FAM13A: variants seen among roughly 807,000 people sequenced by gnomAD.
FAM13A encodes protein FAM13A.
Under a neutral mutation model 129.6 loss-of-function variants are expected in FAM13A, and 76 were observed. The ratio of observed to expected loss-of-function variants is 0.59; its 90% CI spans 0.49 to 0.71. The LOEUF (loss-of-function observed/expected upper bound fraction) is 0.71. Among genes scored for constraint, FAM13A ranks in the 30% least tolerant of loss-of-function variants. The probability of loss-of-function intolerance (pLI) is 0.00; values close to 1 mark genes in which losing one functional copy is unlikely to be tolerated. For missense variants in FAM13A, 1,108 were observed against 1,249.3 expected, an observed-to-expected ratio of 0.89 and a Z score of 1.70; for synonymous variants, 443 against 449.9, an observed-to-expected ratio of 0.98 and a Z score of 0.20.
At chr4:88,893,782 G>A (rs1352872587) in intron 6 of FAM13A, among the ~76,000 whole-genome samples, 3 of 148,998 alleles carry the variant, frequency 2.0e-5, no homozygotes, top group African/African-American at 7.4e-5. Context: ...AGCCGAGATC[G>A]CGCCACTGCA....
At chr4:89,043,938 A>C (rs1037180484) in intron 1 of FAM13A, among the ~76,000 whole-genome samples, 1 of 151,880 alleles carries the variant, frequency 6.6e-6, no homozygotes, top group Non-Finnish European at 1.5e-5. Context: ...ATCAATCAAT[A>C]AGCAAGCCAG....
chr4:89,028,494 G>T (rs1380406513), intron 2 of FAM13A, among the ~76,000 whole-genome samples: 1 of 151,964 alleles, frequency 6.6e-6, no homozygotes, highest in Non-Finnish European at 1.5e-5. Context: ...ACCGGCTGGG[G>T]CAACATTGGG....
At position 88,749,864 on chromosome 4, in the gene FAM13A, G is replaced by A. The variant is rs1393448154; in HGVS notation, c.1986C>T (p.Asp662=). Residue 662 remains aspartate (D), a synonymous_variant, in exon 16 of 24, where the codon GAC becomes GAT. Coordinates refer to ENST00000264344, the MANE Select transcript of FAM13A (RefSeq NM_014883.4). ...TTCGTGTGAGCTGGGCAGGTGTCAGGTCCTCTTGCTCATCATCATAGGACC... is the reference window on the plus strand; with the variant it reads ...TTCGTGTGAGCTGGGCAGGTGTCAGATCCTCTTGCTCATCATCATAGGACC... ...SLGSYDDEQE[D]LTPAQLTRRI... The A allele has an allele frequency of 6.2e-7, 1 of 1,614,074 alleles. No individual in the cohort carries two copies. Among genetic ancestry groups the A allele is most frequent in the Non-Finnish European group, 8.5e-7 (1 of 1,179,998 alleles).
At chr4:88,927,979 T>G (rs918198286) in intron 5 of FAM13A, among the ~76,000 whole-genome samples, 12 of 152,152 alleles carry the variant, frequency 7.9e-5, no homozygotes, top group Non-Finnish European at 1.3e-4. Context: ...AGGCATTTAA[T>G]GCCACAAACT....
In FAM13A at chr4:89,056,973, A is replaced by G. The variant is rs1317670056; in HGVS notation, c.-9T>C. The G allele has an allele frequency of 6.2e-7, 1 of 1,613,698 alleles. No homozygotes were observed. Reference sequence around the variant, plus strand: ...AGAGCTCCTGCCCCCATTCTCTCAGAAAGCGTCTGGAAGAACTGAGGAAGA... The same window carrying G: ...AGAGCTCCTGCCCCCATTCTCTCAGGAAGCGTCTGGAAGAACTGAGGAAGA... On this transcript the variant is annotated 5_prime_UTR_variant, in exon 1 of 24. Coordinates refer to ENST00000264344, the MANE Select transcript of FAM13A (RefSeq NM_014883.4).
intron 11 of FAM13A, among the ~76,000 whole-genome samples, chr4:88,774,667 G>T (rs1039567697): frequency 6.6e-6 from 1 of 152,190 alleles, no homozygotes; most frequent in African/African-American, 2.4e-5. Flanking sequence ...CATGTTGGCT[G>T]GCTGTTTCAA....
intron 6 of FAM13A, among the ~76,000 whole-genome samples, chr4:88,873,369 A>T (rs1044299858): frequency 1.5e-4 from 23 of 152,346 alleles, no homozygotes; most frequent in Non-Finnish European, 3.1e-4. Flanking sequence ...TTTTGAAAGG[A>T]TCAACAAAAT....
intron 6 of FAM13A, among the ~76,000 whole-genome samples, chr4:88,883,777 C>CA (rs1309766953): frequency 6.6e-6 from 1 of 151,608 alleles, no homozygotes. Flanking sequence ...AGACTAACCA[C>CA]AAAAAGAGAG....
At chr4:88,998,370 T>G (rs1167413181) in intron 3 of FAM13A, among the ~76,000 whole-genome samples, 2 of 152,180 alleles carry the variant, frequency 1.3e-5, no homozygotes, top group Non-Finnish European at 2.9e-5. Flanking sequence ...GAGCTACAAT[T>G]TAAATCCAAG....
chr4:88,915,713 G>A (rs905261738), intron 5 of FAM13A, among the ~76,000 whole-genome samples: 1 of 152,128 alleles, frequency 6.6e-6, no homozygotes, highest in African/African-American at 2.4e-5. Context: ...TCCAAAAGTC[G>A]TGTTGAAATT....
intron 2 of FAM13A, among the ~76,000 whole-genome samples, chr4:89,024,403 A>G (rs1345354882): frequency 1.3e-5 from 2 of 152,238 alleles, no homozygotes; most frequent in Admixed American, 6.5e-5. Context: ...TATAATGTAT[A>G]TACCTTTAAA....
chr4:88,749,866 C>A lies in FAM13A; in HGVS notation c.1984G>T (p.Asp662Tyr), dbSNP rs1578480310. 1.9e-6 allele frequency: 3 copies of A among 1,613,918 alleles called. No homozygotes were observed. The highest frequency in any genetic ancestry group is 2.5e-6 in the Non-Finnish European group (3 of 1,179,944). ...SLGSYDDEQE[D>Y]LTPAQLTRRI... ...CGTGTGAGCTGGGCAGGTGTCAGGT[C>A]CTCTTGCTCATCATCATAGGACCCC... The change falls in exon 16 of 24, where the codon GAC becomes TAC. Residue 662 changes from aspartate (D) to tyrosine (Y), a missense_variant. Transcript: ENST00000264344.
At chr4:88,755,620 T>A (rs770448142) in intron 14 of FAM13A, among the ~76,000 whole-genome samples, 2 of 152,218 alleles carry the variant, frequency 1.3e-5, no homozygotes, top group Non-Finnish European at 2.9e-5. Context: ...GAGACTTTGT[T>A]ACTTTGAATC....
intron 6 of FAM13A, among the ~76,000 whole-genome samples, chr4:88,879,698 G>A (rs1339515024): frequency 6.6e-6 from 1 of 152,160 alleles, no homozygotes; most frequent in Non-Finnish European, 1.5e-5. Flanking sequence ...GCATTTCATT[G>A]TTACTGCAAG....
chr4:88,858,913 C>T (rs1215176098), intron 6 of FAM13A, among the ~76,000 whole-genome samples: 1 of 152,104 alleles, frequency 6.6e-6, no homozygotes, highest in Non-Finnish European at 1.5e-5. Flanking sequence ...GCTGTTACAA[C>T]AAAGAGGAAG....
At chr4:88,989,625 G>T (rs1387572029) in intron 4 of FAM13A, 1 of 152,012 alleles carries the variant, frequency 6.6e-6, no homozygotes, top group African/African-American at 2.4e-5. Flanking sequence ...GGTTAAATTG[G>T]TATATTTTAT....
chr4:88,804,769 C>T (rs1728225395), intron 8 of FAM13A, among the ~76,000 whole-genome samples: 1 of 152,060 alleles, frequency 6.6e-6, no homozygotes, highest in African/African-American at 2.4e-5. Flanking sequence ...AAATGATCAC[C>T]TTGGCACTTT....
intron 2 of FAM13A, among the ~76,000 whole-genome samples, chr4:89,021,714 G>A (rs1463384511): frequency 3.3e-5 from 5 of 152,092 alleles, no homozygotes; most frequent in African/African-American, 1.2e-4. Flanking sequence ...GAGAGGACCT[G>A]CCTTATGGAA....
At chr4:88,976,311 C>G (rs1047518412) in intron 4 of FAM13A, among the ~76,000 whole-genome samples, 3 of 152,096 alleles carry the variant, frequency 2.0e-5, no homozygotes, top group Non-Finnish European at 4.4e-5. Flanking sequence ...ATGATGGACT[C>G]AAGGGATTAT....
Sources: gnomAD v4.1 joint callset for allele counts (sites outside exome capture counted in the v4.1 genomes callset) on GRCh38, gnomAD v4.1.1 for gene constraint, MANE v1.5 for transcripts, NCBI Gene and HGNC (gene_info 2026-07-23, HGNC 2026-07-21) for gene names.